PSPH: variants seen among roughly 807,000 people sequenced by gnomAD.
PSPH encodes the protein L-3-phosphoserine phosphatase.
A neutral mutation model predicts 23.4 loss-of-function variants in PSPH; 16 were observed. The observed-to-expected ratio is 0.68, with a 90% CI of 0.46 to 1.04. PSPH has a LOEUF of 1.04. Among genes scored for constraint, PSPH ranks in the 50% least tolerant of loss-of-function variants. The pLI, the probability that PSPH is intolerant of heterozygous loss-of-function variation, is 0.00. For missense variants in PSPH, 223 were observed against 273.7 expected (o/e 0.81, Z 1.31); for synonymous variants, 68 against 99.7 (o/e 0.68, Z 1.89).
chr7:56,024,699 G>A (rs1789941160), intron 3 of PSPH, among the ~76,000 whole-genome samples: 1 of 151,786 alleles, frequency 6.6e-6, no homozygotes, highest in Non-Finnish European at 1.5e-5. Context: ...AGTGAGCTAT[G>A]ACCATGACAC....
chr7:56,032,948 T>TTA (rs1791229918), intron 2 of PSPH, among the ~76,000 whole-genome samples: 1 of 139,514 alleles, frequency 7.2e-6, no homozygotes, highest in Non-Finnish European at 1.6e-5. Context: ...CCCTGTCTCT[T>TTA]AAAAAAAAAA....
intron 3 of PSPH, among the ~76,000 whole-genome samples, chr7:56,027,799 C>G (rs150545768): frequency 6.6e-6 from 1 of 150,678 alleles, no homozygotes; most frequent in Non-Finnish European, 1.5e-5. Flanking sequence ...TTGTAATAAT[C>G]CCAGCACTTT....
chr7:56,051,302 A>G lies in PSPH; in HGVS notation c.-456T>C, dbSNP rs190216482. 4.5e-3 allele frequency: 718 copies of G among 159,584 alleles called. 3 individuals carry two copies. Among genetic ancestry groups the G allele is most frequent in the South Asian group, 0.014 (89 of 6,156 alleles). The allele number at this position is 159,584 out of a possible 1,614,324, so 9.9% of individuals were successfully genotyped here. A position where few individuals can be genotyped will look rare whatever the true frequency, so the allele number is the denominator to read the frequency against. ...GTCCTGCAGCTTTCTAAAGGTATCC[A>G]GCACTTTCTACCTTGCATTCTATCT... is the stretch of plus-strand genomic sequence containing the variant. On this transcript the variant is annotated 5_prime_UTR_variant, in exon 1 of 8. Coordinates refer to ENST00000275605, the MANE Select transcript of PSPH (RefSeq NM_004577.4).
chr7:56,020,827 C>T (rs566692574), intron 4 of PSPH, among the ~76,000 whole-genome samples: 1 of 152,282 alleles, frequency 6.6e-6, no homozygotes, highest in South Asian at 2.1e-4. Context: ...TGGACCTCGC[C>T]CCCCAGGCCA....
rs563273497 is a variant in PSPH, at chr7:56,040,096, C to CAA, written c.-291-5992_-291-5991dup. 7.6e-4 allele frequency among the ~76,000 whole-genome samples: 105 copies of CAA among 137,840 alleles called. 1 individual carries two copies. The highest frequency in any genetic ancestry group is 6.8e-4 in the South Asian group (3 of 4,418). 90.4% of individuals were successfully genotyped at this position (137,840 alleles called of 152,430 possible). On this transcript the variant is annotated intron_variant, in intron 1 of 7. Transcript: ENST00000275605. Reference sequence around the variant, plus strand: ...CCTGGGTGACAGAGCAAGACTCCATCAAAAAAAAAAAAATACCAATACATT... The same window carrying CAA: ...CCTGGGTGACAGAGCAAGACTCCATCAAAAAAAAAAAAAAATACCAATACATT...
chr7:56,049,297 C>G (rs775584305), intron 1 of PSPH, among the ~76,000 whole-genome samples: 18 of 152,116 alleles, frequency 1.2e-4, no homozygotes, highest in Non-Finnish European at 2.2e-4. Flanking sequence ...TGCTCCCACC[C>G]CCTGACAGGT....
In PSPH at chr7:56,030,335, CCTGACCTCAGGAGTT is replaced by C. The variant is rs139067597; in HGVS notation, c.-20+1579_-20+1593del. On this transcript the variant is annotated intron_variant, in intron 3 of 7. Transcript: ENST00000275605. The stretch of plus-strand genomic sequence containing the variant: ...ATGTTGGACAGGCTAGTCTTGAACT[CCTGACCTCAGGAGTT>C]CTGCTCACCTCGGCCTCCCAAAGTG... Among the ~76,000 whole-genome samples the C allele has an allele frequency of 4.6e-3, 699 of 151,992 alleles. 11 individuals carry two copies. The East Asian group carries it at 0.053, about 11-fold the overall frequency.
chr7:56,039,075 G>A (rs1584487218), intron 1 of PSPH, among the ~76,000 whole-genome samples: 1 of 150,820 alleles, frequency 6.6e-6, no homozygotes, highest in Non-Finnish European at 1.5e-5. Context: ...CCCGGGAGGC[G>A]GAACCCGGGA....
Position 56,048,312 on chromosome 7 carries a change from A to C in PSPH, c.-292+2826T>G, listed in dbSNP as rs541866682. On this transcript the variant is annotated intron_variant, in intron 1 of 7. Transcript: ENST00000275605. ...TTTGAAAAAAAAAAAAAAAATCATA[A>C]GGAAACATCAAATAACCCTAAAGTA... 4.6e-5 allele frequency among the ~76,000 whole-genome samples: 7 copies of C among 151,774 alleles called. No individual in the cohort carries two copies. In the East Asian group the frequency reaches 1.4e-3, roughly 29 times the overall value.
At chr7:56,044,924 T>C (rs1470057851) in intron 1 of PSPH, among the ~76,000 whole-genome samples, 1 of 149,360 alleles carries the variant, frequency 6.7e-6, no homozygotes, top group East Asian at 2.0e-4. Flanking sequence ...AATACAAAAT[T>C]AGCTGGGCAT....
intron 1 of PSPH, among the ~76,000 whole-genome samples, chr7:56,046,138 T>C (rs1378799415): frequency 4.6e-5 from 7 of 151,976 alleles, no homozygotes; most frequent in Admixed American, 1.3e-4. Flanking sequence ...GTTTTTATTA[T>C]TTATTTATTA....
rs1287431211 is a variant in PSPH at position 56,024,629 on chromosome 7, A to G, written c.-19-3398T>C. ...CAGGTGTAGTGGCACACACCTATAG[A>G]CCTAGCTACTCAGGAGGGTGAGGCA... On this transcript the variant is annotated intron_variant, in intron 3 of 7. Coordinates refer to ENST00000275605, the MANE Select transcript of PSPH (RefSeq NM_004577.4). Among the ~76,000 whole-genome samples, 3 of 151,240 alleles carry G rather than the reference A, an allele frequency of 2.0e-5. No individual in the cohort carries two copies. The East Asian group carries it at 6.0e-4, about 30-fold the overall frequency.
chr7:56,016,333 G>A (rs2116542158), intron 6 of PSPH, among the ~76,000 whole-genome samples: 1 of 149,206 alleles, frequency 6.7e-6, no homozygotes, highest in Admixed American at 6.8e-5. Flanking sequence ...GCACCCAGGA[G>A]GCAGAGGTTG....
intron 1 of PSPH, among the ~76,000 whole-genome samples, chr7:56,036,647 A>G (rs1414114952): frequency 6.6e-6 from 1 of 152,090 alleles, no homozygotes; most frequent in African/African-American, 2.4e-5. Context: ...TAATTAGTTA[A>G]TTAATTAAAA....
intron 1 of PSPH, among the ~76,000 whole-genome samples, chr7:56,043,956 A>G (rs2117150193): frequency 6.6e-6 from 1 of 152,222 alleles, no homozygotes; most frequent in South Asian, 2.1e-4. Flanking sequence ...TATTTTTCCC[A>G]TGAGAATATT....
At position 56,017,269 on chromosome 7, in the gene PSPH, T is replaced by C. The variant is rs771251320; in HGVS notation, c.386A>G (p.Asn129Ser). 1.2e-6 allele frequency: 2 copies of C among 1,613,830 alleles called. No individual in the cohort carries two copies. Among genetic ancestry groups the C allele is most frequent in the East Asian group, 2.2e-5 (1 of 44,880 alleles). ...VASKLNIPAT[N>S]VFANRLKFYF... ...GAATTTCAGCCTATTGGCAAATACA[T>C]TGGTTGCTGGGATATTGAGCTTTGA... The change falls in exon 6 of 8, where the codon AAT (asparagine) becomes AGT (serine). Residue 129 changes from asparagine (N) to serine (S), a missense_variant. By Grantham distance (46) the Asn-to-Ser change is conservative. Coordinates refer to ENST00000275605, the MANE Select transcript of PSPH (RefSeq NM_004577.4).
At chr7:56,022,526 A>T (rs1411032571) in intron 3 of PSPH, among the ~76,000 whole-genome samples, 1 of 152,080 alleles carries the variant, frequency 6.6e-6, no homozygotes, top group Non-Finnish European at 1.5e-5. Context: ...AGCAAAGACA[A>T]GGAGAAGGAA....
chr7:56,018,186 A>C (rs1375009399), intron 5 of PSPH, among the ~76,000 whole-genome samples: 2 of 152,062 alleles, frequency 1.3e-5, no homozygotes, highest in Admixed American at 6.6e-5. Context: ...TCTACTAAAA[A>C]TACAAAAATT....
intron 1 of PSPH, among the ~76,000 whole-genome samples, chr7:56,041,024 C>G (rs1329387317): frequency 1.3e-5 from 2 of 151,986 alleles, no homozygotes; most frequent in Non-Finnish European, 2.9e-5. Context: ...CTAGGGAGGG[C>G]GTGGGAAAAC....
Sources: gnomAD v4.1 joint callset for allele counts (sites outside exome capture counted in the v4.1 genomes callset) on GRCh38, gnomAD v4.1.1 for gene constraint, MANE v1.5 for transcripts, NCBI Gene and HGNC (gene_info 2026-07-23, HGNC 2026-07-21) for gene names.